Variants in PPHLN1 observed in about 807,000 individuals in gnomAD.
The protein encoded by PPHLN1 is periphilin 1.
In PPHLN1, 29 loss-of-function variants were observed where a neutral mutation model predicts 51.3. That is an observed-to-expected ratio of 0.57 (90% CI 0.42 to 0.77). The LOEUF is 0.77. PPHLN1 is among the 30% of genes least tolerant of loss of function. The pLI is 0.00. For synonymous variants in PPHLN1, 147 were observed against 147.8 expected (o/e 0.99, Z 0.04); for missense variants, 436 against 438.4 (o/e 0.99, Z 0.05).
At chr12:42,406,419 ATAG>A in intron 9 of PPHLN1, among the ~76,000 whole-genome samples, 1 of 152,170 alleles carries the variant, frequency 6.6e-6, no homozygotes, top group African/African-American at 2.4e-5. Context: ...CATATGGAAT[ATAG>A]TATTTGTGTC....
intron 9 of PPHLN1, among the ~76,000 whole-genome samples, chr12:42,436,748 A>G (rs2082521792): frequency 6.6e-6 from 1 of 152,192 alleles, no homozygotes; most frequent in African/African-American, 2.4e-5. Context: ...TGGGTAGTAT[A>G]TAAAGATTGA....
chr12:42,423,271 G>A (rs2081157297), intron 9 of PPHLN1, among the ~76,000 whole-genome samples: 2 of 152,014 alleles, frequency 1.3e-5, no homozygotes, highest in South Asian at 2.1e-4. Context: ...ATATATAATA[G>A]TATTTATGGA....
At chr12:42,399,658 C>G (rs982073497) in intron 9 of PPHLN1, 1 of 163,566 alleles carries the variant, frequency 6.1e-6, no homozygotes, top group East Asian at 1.9e-4. Flanking sequence ...AAAGTGAAAA[C>G]TTTTCTCTAG....
At chr12:42,423,481 G>GTATT (rs958767167) in intron 9 of PPHLN1, among the ~76,000 whole-genome samples, 2 of 152,072 alleles carry the variant, frequency 1.3e-5, no homozygotes, top group Non-Finnish European at 2.9e-5. Flanking sequence ...ATTCAGAGTG[G>GTATT]TATTGTATGT....
chr12:42,359,535 C>T (rs1366106360), intron 4 of PPHLN1: 3 of 152,236 alleles, frequency 2.0e-5, no homozygotes, highest in Non-Finnish European at 4.4e-5. Flanking sequence ...TATGCTATCA[C>T]AGTAGCTATA....
chr12:42,331,460 T>G (rs754107274), intron 1 of PPHLN1, among the ~76,000 whole-genome samples: 53 of 152,208 alleles, frequency 3.5e-4, no homozygotes, highest in Admixed American at 2.6e-4. Context: ...ACACTTTTGC[T>G]TAGAGTGCAA....
rs111535435 is a variant in PPHLN1 at position 42,380,136 on chromosome 12, G to A, written c.512-4804G>A. Among the ~76,000 whole-genome samples, 1,004 of 152,032 alleles carry A rather than the reference G, an allele frequency of 6.6e-3. 14 individuals are homozygous for A. The highest frequency in any genetic ancestry group is 0.023 in the African/African-American group (941 of 41,534). On this transcript the variant is annotated intron_variant, in intron 5 of 9. Transcript: ENST00000358314. The stretch of plus-strand genomic sequence containing the variant: ...TCTTGCTTTGTTGTTGTAAATCCCC[G>A]GTGGCTCCTAGAGATGAAACTACCT...
rs117829298 is a variant in PPHLN1 at position 42,372,558 on chromosome 12, C to T, written c.300-2305C>T. ...CCTTGGCTTCCATGATAAATGCATT[C>T]TCCTTTCTAATGTTTCTCTGTTCTC... On this transcript the variant is annotated intron_variant, in intron 4 of 9. Coordinates refer to ENST00000358314, the MANE Select transcript of PPHLN1 (RefSeq NM_201439.2). 9.7e-3 allele frequency among the ~76,000 whole-genome samples: 1,484 copies of T among 152,222 alleles called. 72 individuals are homozygous for T. The highest frequency in any genetic ancestry group is 0.084 in the Admixed American group (1,292 of 15,290).
At chr12:42,326,435 C>T (rs555971660) in intron 1 of PPHLN1, among the ~76,000 whole-genome samples, 39 of 152,120 alleles carry the variant, frequency 2.6e-4, no homozygotes, top group Middle Eastern at 3.4e-3. Context: ...AGGGGTTCGC[C>T]TCTCTGTAGC....
chr12:42,438,094 C>T (rs1478471548), intron 9 of PPHLN1, among the ~76,000 whole-genome samples: 2 of 152,030 alleles, frequency 1.3e-5, no homozygotes, highest in African/African-American at 4.8e-5. Context: ...TTGGATGCTT[C>T]CAATTTTTGG....
chr12:42,446,285 C>T (rs2083317717), downstream of PPHLN1: 7 of 1,588,722 alleles, frequency 4.4e-6, no homozygotes, highest in South Asian at 4.5e-5. Context: ...TTGCAACTCA[C>T]GCAAGGTATT....
chr12:42,395,651 A>C (rs2078135622), intron 8 of PPHLN1, among the ~76,000 whole-genome samples: 1 of 152,140 alleles, frequency 6.6e-6, no homozygotes. Context: ...GGAAAGAAGA[A>C]AGGCCTTTGA....
At chr12:42,412,147 G>A (rs1035214241) in intron 9 of PPHLN1, among the ~76,000 whole-genome samples, 4 of 152,146 alleles carry the variant, frequency 2.6e-5, no homozygotes, top group Admixed American at 2.6e-4. Context: ...GGAGGTTGCA[G>A]TGAGCCAAGA....
intron 2 of PPHLN1, among the ~76,000 whole-genome samples, chr12:42,342,354 A>G (rs1486184737): frequency 6.6e-6 from 1 of 152,148 alleles, no homozygotes; most frequent in African/African-American, 2.4e-5. Context: ...CCCTGGGCTC[A>G]AGTGATCCTC....
At chr12:42,445,355 G>A, downstream of PPHLN1, 2 of 515,168 alleles carry the variant, frequency 3.9e-6, no homozygotes, top group Non-Finnish European at 7.0e-6. Flanking sequence ...CAGATTGCCA[G>A]CTCACAGGCA....
chr12:42,396,487 T>A (rs1410651628), intron 8 of PPHLN1, among the ~76,000 whole-genome samples: 3 of 152,008 alleles, frequency 2.0e-5, no homozygotes, highest in East Asian at 3.9e-4. Flanking sequence ...TTCTTTTGGT[T>A]GTCAGAATGA....
intron 9 of PPHLN1, among the ~76,000 whole-genome samples, chr12:42,426,947 C>A (rs956947000): frequency 6.6e-6 from 1 of 152,150 alleles, no homozygotes; most frequent in African/African-American, 2.4e-5. Flanking sequence ...AGCTGCTTCC[C>A]GCTTAGTCAT....
At chr12:42,444,188 A>G (rs1593069879), downstream of PPHLN1, 1 of 152,156 alleles carries the variant, frequency 6.6e-6, no homozygotes, top group African/African-American at 2.4e-5. Context: ...TTTACATACT[A>G]ACTTCCTGGT....
chr12:42,431,989 T>C, intron 9 of PPHLN1: 1 of 1,484,046 alleles, frequency 6.7e-7, no homozygotes, highest in Non-Finnish European at 9.4e-7. Context: ...CTGATCTGAT[T>C]CTGATTATCA....
Sources: gnomAD v4.1 joint callset for allele counts (sites outside exome capture counted in the v4.1 genomes callset) on GRCh38, gnomAD v4.1.1 for gene constraint, MANE v1.5 for transcripts, NCBI Gene and HGNC (gene_info 2026-07-23, HGNC 2026-07-21) for gene names.